PLPPR1: variants seen among roughly 807,000 people sequenced by gnomAD.
PLPPR1 encodes the protein phospholipid phosphatase-related protein type 1.
A neutral mutation model predicts 33.1 loss-of-function variants in PLPPR1; 10 were observed. That is an observed-to-expected ratio of 0.30 (90% CI 0.19 to 0.51). The LOEUF is 0.51. PLPPR1 is among the 20% of genes least tolerant of loss of function. PLPPR1 has a pLI of 0.97. For missense variants in PLPPR1, 304 were observed against 408.1 expected (o/e 0.74, Z 2.20); for synonymous variants, 151 against 151.0 (o/e 1.00, Z 0.00).
intron 2 of PLPPR1, among the ~76,000 whole-genome samples, chr9:101,240,012 T>G (rs1206586882): frequency 6.6e-6 from 1 of 152,018 alleles, no homozygotes; most frequent in Non-Finnish European, 1.5e-5. Context: ...TATCTCCTAG[T>G]AGTTTTATAG....
intron 1 of PLPPR1, among the ~76,000 whole-genome samples, chr9:101,043,546 G>C (rs1830109338): frequency 2.0e-5 from 3 of 151,864 alleles, no homozygotes; most frequent in Non-Finnish European, 4.4e-5. Context: ...CTCGTTGACT[G>C]ATGGGTATTT....
intron 2 of PLPPR1, among the ~76,000 whole-genome samples, chr9:101,228,172 C>T (rs1827110072): frequency 1.3e-5 from 2 of 152,294 alleles, no homozygotes; most frequent in Middle Eastern, 3.4e-3. Context: ...AGCACACACA[C>T]ATGCACACAC....
chr9:101,047,282 C>A (rs536526134), intron 1 of PLPPR1, among the ~76,000 whole-genome samples: 1 of 152,202 alleles, frequency 6.6e-6, no homozygotes, highest in East Asian at 1.9e-4. Context: ...TGCACTATTC[C>A]TCCTTGACAG....
At chr9:101,132,163 T>A (rs966529910) in intron 1 of PLPPR1, among the ~76,000 whole-genome samples, 2 of 152,206 alleles carry the variant, frequency 1.3e-5, no homozygotes, top group African/African-American at 4.8e-5. Context: ...CTGTGCCTTC[T>A]CAGTGTCCCC....
rs553324474 is a variant in PLPPR1, at chr9:101,316,616, C to CA, written c.814-737dup. On this transcript the variant is annotated intron_variant, in intron 6 of 7. Coordinates refer to ENST00000374874, the MANE Select transcript of PLPPR1 (RefSeq NM_207299.2). The stretch of plus-strand genomic sequence containing the variant: ...AGGGAAAAGGAGGGTTCTTCTTGGG[C>CA]AAAAAAAAAAAAGCAGGGAAGATGG... 2.1e-3 allele frequency among the ~76,000 whole-genome samples: 176 copies of CA among 82,516 alleles called. 20 individuals carry two copies. The highest frequency in any genetic ancestry group is 0.015 in the East Asian group (46 of 3,166). 54.1% of individuals were successfully genotyped at this position (82,516 alleles called of 152,430 possible).
At chr9:101,155,013 T>C (rs1831658903) in intron 1 of PLPPR1, among the ~76,000 whole-genome samples, 1 of 150,058 alleles carries the variant, frequency 6.7e-6, no homozygotes, top group Admixed American at 6.6e-5. Flanking sequence ...GTAATGTAAA[T>C]GATGAGTTAA....
At chr9:101,064,599 A>C (rs1309795157) in intron 1 of PLPPR1, among the ~76,000 whole-genome samples, 1 of 152,080 alleles carries the variant, frequency 6.6e-6, no homozygotes, top group Non-Finnish European at 1.5e-5. Flanking sequence ...TGAAACAGTC[A>C]CAAAAGCCCT....
At chr9:101,209,711 A>T (rs188429091) in intron 2 of PLPPR1, among the ~76,000 whole-genome samples, 1 of 152,350 alleles carries the variant, frequency 6.6e-6, no homozygotes, top group African/African-American at 2.4e-5. Context: ...ACATCAAATC[A>T]ATGTCAAGGA....
At chr9:101,230,249 A>G (rs1454878284) in intron 2 of PLPPR1, among the ~76,000 whole-genome samples, 1 of 152,188 alleles carries the variant, frequency 6.6e-6, no homozygotes, top group Non-Finnish European at 1.5e-5. Flanking sequence ...GCAGAGTTCT[A>G]TTAATTACAA....
At chr9:101,050,570 G>GCATCT (rs1830210777) in intron 1 of PLPPR1, among the ~76,000 whole-genome samples, 1 of 152,152 alleles carries the variant, frequency 6.6e-6, no homozygotes, top group Non-Finnish European at 1.5e-5. Context: ...GACAGCATCT[G>GCATCT]GGACAGGGAG....
intron 6 of PLPPR1, among the ~76,000 whole-genome samples, chr9:101,314,747 AT>A (rs956178671): frequency 6.0e-4 from 79 of 131,324 alleles, no homozygotes; most frequent in African/African-American, 2.2e-3. Flanking sequence ...AAAAGCTTCA[AT>A]TTAAAAAAAA....
chr9:101,182,779 A>C (rs1435979351), intron 1 of PLPPR1, among the ~76,000 whole-genome samples: 3 of 151,824 alleles, frequency 2.0e-5, no homozygotes, highest in Non-Finnish European at 4.4e-5. Context: ...TAGACTGTAC[A>C]AAAAACCTTT....
chr9:101,113,206 C>CTT (rs34152471), intron 1 of PLPPR1, among the ~76,000 whole-genome samples: 95 of 144,310 alleles, frequency 6.6e-4, no homozygotes, highest in African/African-American at 2.0e-3. Context: ...CATATTAATC[C>CTT]TTTTTTTTTT....
intron 1 of PLPPR1, among the ~76,000 whole-genome samples, chr9:101,064,024 G>A (rs1830377483): frequency 6.6e-6 from 1 of 152,058 alleles, no homozygotes; most frequent in African/African-American, 2.4e-5. Flanking sequence ...TCTGGGTTAT[G>A]AGTAAATAAT....
chr9:101,105,978 C>CT (rs1308323100), intron 1 of PLPPR1, among the ~76,000 whole-genome samples: 3 of 147,960 alleles, frequency 2.0e-5, no homozygotes, highest in East Asian at 2.0e-4. Context: ...CAACCCCTGC[C>CT]TTTTTTTGTT....
chr9:101,048,264 C>T (rs1334084178), intron 1 of PLPPR1, among the ~76,000 whole-genome samples: 3 of 152,122 alleles, frequency 2.0e-5, no homozygotes, highest in Non-Finnish European at 4.4e-5. Flanking sequence ...CACTGGGGCT[C>T]CTGAAAAGCA....
intron 1 of PLPPR1, among the ~76,000 whole-genome samples, chr9:101,099,584 GCA>G (rs1180942539): frequency 2.6e-5 from 4 of 152,060 alleles, no homozygotes; most frequent in Non-Finnish European, 5.9e-5. Flanking sequence ...TTTTCCCTTT[GCA>G]TCATTCCCTA....
intron 4 of PLPPR1, among the ~76,000 whole-genome samples, chr9:101,306,708 A>G (rs902614041): frequency 1.3e-5 from 2 of 152,250 alleles, no homozygotes; most frequent in African/African-American, 4.8e-5. Context: ...GTGGGGTTAC[A>G]GAAATGAAAA....
intron 1 of PLPPR1, among the ~76,000 whole-genome samples, chr9:101,095,991 T>G (rs1378778133): frequency 6.6e-6 from 1 of 152,170 alleles, no homozygotes; most frequent in African/African-American, 2.4e-5. Flanking sequence ...GTTACATGAC[T>G]GTGGGTTGCC....
Sources: gnomAD v4.1 joint callset for allele counts (sites outside exome capture counted in the v4.1 genomes callset) on GRCh38, gnomAD v4.1.1 for gene constraint, MANE v1.5 for transcripts, NCBI Gene and HGNC (gene_info 2026-07-23, HGNC 2026-07-21) for gene names.